Variants in CYP3A5 observed in about 807,000 individuals in gnomAD.
CYP3A5 encodes the protein cytochrome P450 family 3 subfamily A member 5.
Under a neutral mutation model 55.9 loss-of-function variants are expected in CYP3A5, and 51 were observed. That is an observed-to-expected ratio of 0.91 (90% confidence interval 0.73 to 1.15). The LOEUF (loss-of-function observed/expected upper bound fraction) is 1.15. CYP3A5 is among the 50% of genes most tolerant of loss of function. The probability of loss-of-function intolerance (pLI) is 0.00; values close to 1 mark genes in which losing one functional copy is unlikely to be tolerated. For synonymous variants in CYP3A5, 196 were observed against 213.9 expected, an observed-to-expected ratio of 0.92 and a Z score of 0.73; for missense variants, 533 against 596.6, an observed-to-expected ratio of 0.89 and a Z score of 1.11.
At position 99,664,228 on chromosome 7, in the gene CYP3A5, A is replaced by C. The variant is rs1810749929; in HGVS notation, c.671-133T>G. On this transcript the variant is annotated intron_variant, in intron 7 of 12. Transcript: ENST00000222982. ...TCAACTGGAACCCATTCCTTTTATC[A>C]TGTTTGCCCTTCTTTCAGGCCGGCG... The C allele has an allele frequency of 1.4e-5, 12 of 835,494 alleles. No homozygotes were observed. The South Asian group carries it at 2.0e-4, about 14-fold the overall frequency. The allele number at this position is 835,494 out of a possible 1,614,324, so 51.8% of individuals were successfully genotyped here.
intron 9 of CYP3A5, among the ~76,000 whole-genome samples, chr7:99,661,879 T>G (rs943787702): frequency 3.3e-5 from 5 of 152,258 alleles, no homozygotes; most frequent in African/African-American, 1.2e-4. Context: ...CTATTTAAAT[T>G]CAAATTTTAT....
chr7:99,657,888 A>T (rs973101397), intron 10 of CYP3A5, among the ~76,000 whole-genome samples: 2 of 152,136 alleles, frequency 1.3e-5, no homozygotes, highest in African/African-American at 2.4e-5. Flanking sequence ...CTGTTTTATC[A>T]GAGAGTAGGA....
At chr7:99,678,036 A>G (rs1436768983) in intron 1 of CYP3A5, among the ~76,000 whole-genome samples, 1 of 152,234 alleles carries the variant, frequency 6.6e-6, no homozygotes, top group Non-Finnish European at 1.5e-5. Context: ...AGACTAACAG[A>G]AAAGCCAGTC....
intron 3 of CYP3A5, 141 bp from the exon 4 acceptor site, chr7:99,672,820 G>T (rs563864313): frequency 6.7e-7 from 1 of 1,483,754 alleles, no homozygotes; most frequent in South Asian, 1.4e-5. Flanking sequence ...TTAGGTTCTA[G>T]TTCATTAGGG....
chr7:99,665,210 T>A lies in CYP3A5; in HGVS notation c.626A>T (p.Lys209Met). 1 of 1,614,020 alleles carries A rather than the reference T, an allele frequency of 6.2e-7. No homozygotes were observed. Among genetic ancestry groups the A allele is most frequent in the Non-Finnish European group, 8.5e-7 (1 of 1,179,926 alleles). The change falls in exon 7 of 13, where the codon AAG becomes ATG. Residue 209 changes from lysine to methionine, a missense_variant. Physicochemically the swap from Lys to Met is moderately conservative, Grantham distance 95. Coordinates refer to ENST00000222982, the MANE Select transcript of CYP3A5 (RefSeq NM_000777.5). ...ATCTAAGAAACCAAATTTTAGGAAC[T>A]TCTTAGTGCTCTCCACAAAGGGGTC... ...PQDPFVESTK[K>M]FLKFGFLDPL... is the part of the protein sequence containing the mutation.
At chr7:99,667,309 A>T (rs946802194) in intron 4 of CYP3A5, among the ~76,000 whole-genome samples, 9 of 152,194 alleles carry the variant, frequency 5.9e-5, no homozygotes, top group Admixed American at 3.3e-4. Context: ...TCTATATCTC[A>T]GTCTCCTTTT....
In CYP3A5 at chr7:99,662,738, A is replaced by G. The variant is rs912206185; in HGVS notation, c.865+78T>C. ...GCAAAAATTCTCATCTTCCTGGAAT[A>G]CTTCCTGCACATTTTCAGAACAAGG... On this transcript the variant is annotated intron_variant, in intron 9 of 12. Transcript: ENST00000222982. The surrounding 1 kb of genome is among the most constrained non-coding windows in gnomAD (Gnocchi z 4.3). The G allele has an allele frequency of 6.6e-6, 9 of 1,361,718 alleles. No individual in the cohort carries two copies. The Admixed American group carries it at 1.6e-4, about 24-fold the overall frequency. 84.4% of individuals were successfully genotyped at this position (1,361,718 alleles called of 1,614,324 possible). A position where few individuals can be genotyped will look rare whatever the true frequency, so the allele number is the denominator to read the frequency against.
chr7:99,671,978 A>G, intron 4 of CYP3A5: 1 of 637,258 alleles, frequency 1.6e-6, no homozygotes. Flanking sequence ...TGTAAACTAT[A>G]TCAAAGTCAA....
Position 99,672,950 on chromosome 7 carries a change from G to A in CYP3A5, c.219-271C>T, listed in dbSNP as rs937077155. 1.1e-5 allele frequency: 13 copies of A among 1,197,952 alleles called. No individual in the cohort carries two copies. In the African/African-American group the frequency reaches 1.6e-4, roughly 14 times the overall value. 74.2% of individuals were successfully genotyped at this position (1,197,952 alleles called of 1,614,324 possible). ...AAAAGAGCTCTTTAAAGAGATTATG[G>A]TTAGAAATGACAGTAGAGCATTCGT... On this transcript the variant is annotated intron_variant, in intron 3 of 12. Coordinates refer to ENST00000222982, the MANE Select transcript of CYP3A5 (RefSeq NM_000777.5).
At chr7:99,656,441 A>G (rs1414496352) in intron 10 of CYP3A5, among the ~76,000 whole-genome samples, 1 of 152,172 alleles carries the variant, frequency 6.6e-6, no homozygotes, top group Non-Finnish European at 1.5e-5. Context: ...CCACTTGATC[A>G]TGGTGGATAA....
In CYP3A5 at chr7:99,667,012, T is replaced by TTCA. The variant is rs750274831; in HGVS notation, c.369_371dup (p.Asp123dup). On this transcript the variant is annotated inframe_insertion, in exon 5 of 13. Transcript: ENST00000222982. Reference sequence around the variant, plus strand: ...GCAATGACCGTATTCTCTTCCATTCTTCATCCTCAGCTAAAGAGATGGCAC... The same window carrying TTCA: ...GCAATGACCGTATTCTCTTCCATTCTTCATCATCCTCAGCTAAAGAGATGGCAC... 25 of 1,614,052 alleles carry TTCA rather than the reference T, an allele frequency of 1.5e-5. No individual in the cohort carries two copies. Among genetic ancestry groups the TTCA allele is most frequent in the Non-Finnish European group, 1.9e-5 (23 of 1,180,008 alleles).
chr7:99,652,315 A>G, intron 11 of CYP3A5: 2 of 331,746 alleles, frequency 6.0e-6, no homozygotes, highest in South Asian at 1.9e-4. Flanking sequence ...AGGCGTAGAA[A>G]AATGCCCACA....
chr7:99,666,492 G>C, intron 6 of CYP3A5, 109 bp downstream of exon 6: 1 of 1,225,486 alleles, frequency 8.2e-7, no homozygotes, highest in South Asian at 1.2e-5. Flanking sequence ...GCGCTGCCCT[G>C]CTTTTGTCTG....
chr7:99,656,768 T>G (rs1478362596), intron 10 of CYP3A5, among the ~76,000 whole-genome samples: 1 of 152,218 alleles, frequency 6.6e-6, no homozygotes, highest in East Asian at 1.9e-4. Context: ...AACCTGTTAT[T>G]GGTCTATTCA....
At position 99,660,799 on chromosome 7, in the gene CYP3A5, A is replaced by C. The variant is rs1183619993; in HGVS notation, c.866-140T>G. 4 of 989,084 alleles carry C rather than the reference A, an allele frequency of 4.0e-6. No homozygotes were observed. The African/African-American group carries it at 5.0e-5, about 12-fold the overall frequency. The allele number at this position is 989,084 out of a possible 1,614,324, so 61.3% of individuals were successfully genotyped here. A position where few individuals can be genotyped will look rare whatever the true frequency, so the allele number is the denominator to read the frequency against. Reference sequence around the variant, plus strand: ...CAAAGTCACACTGGGAGTGGTTTTCATTCTGATATGTATCTTATACAGGGC... The same window carrying C: ...CAAAGTCACACTGGGAGTGGTTTTCCTTCTGATATGTATCTTATACAGGGC... On this transcript the variant is annotated intron_variant, in intron 9 of 12. Coordinates refer to ENST00000222982, the MANE Select transcript of CYP3A5 (RefSeq NM_000777.5).
In CYP3A5 at chr7:99,665,014, T is replaced by C. The variant is rs1810849044; in HGVS notation, c.670+152A>G. 47 of 786,070 alleles carry C rather than the reference T, an allele frequency of 6.0e-5. 1 individual carries two copies. In the South Asian group the frequency reaches 9.0e-4, roughly 15 times the overall value. 48.7% of individuals were successfully genotyped at this position (786,070 alleles called of 1,614,324 possible). On this transcript the variant is annotated intron_variant, in intron 7 of 12. Coordinates refer to ENST00000222982, the MANE Select transcript of CYP3A5 (RefSeq NM_000777.5). Reference sequence around the variant, plus strand: ...GGGCTCTAGATTGACAAAAACATTTTAGTTTACAATAGTAATGGTCATACA... The same window carrying C: ...GGGCTCTAGATTGACAAAAACATTTCAGTTTACAATAGTAATGGTCATACA...
Position 99,665,164 on chromosome 7 carries a change from A to G in CYP3A5, c.670+2T>C, listed in dbSNP as rs1810876956. ...GAGAGAAAGAAATAATAGCCCACAT[A>G]CTTATTGAGAGAAATAATGGATCTA... On this transcript the variant is annotated splice_donor_variant, in intron 7 of 12. Transcript: ENST00000222982. LOFTEE classifies it high-confidence loss of function. 1 of 1,605,324 alleles carries G rather than the reference A, an allele frequency of 6.2e-7. No homozygotes were observed. The highest frequency in any genetic ancestry group is 8.5e-7 in the Non-Finnish European group (1 of 1,173,374).
chr7:99,672,764 T>C (rs1655604429), intron 3 of CYP3A5, 85 bp from the exon 4 acceptor site: 1 of 1,598,744 alleles, frequency 6.3e-7, no homozygotes, highest in South Asian at 1.1e-5. Flanking sequence ...ACTTTGATCA[T>C]TATGTTATGT....
At chr7:99,655,577 C>T (rs907269035) in intron 10 of CYP3A5, among the ~76,000 whole-genome samples, 7 of 152,082 alleles carry the variant, frequency 4.6e-5, no homozygotes, top group African/African-American at 1.7e-4. Context: ...TTTTTGGTTC[C>T]ATATGAACTT....
Sources: gnomAD v4.1 joint callset for allele counts (sites outside exome capture counted in the v4.1 genomes callset) on GRCh38, gnomAD v4.1.1 for gene constraint, Gnocchi (gnomAD v3.1) non-coding constraint, MANE v1.5 for transcripts, NCBI Gene and HGNC (gene_info 2026-07-23, HGNC 2026-07-21) for gene names.